Variants in LMO4 observed in about 807,000 individuals in gnomAD.
LMO4 encodes LIM domain only 4.
In LMO4, 3 loss-of-function variants were observed where a neutral mutation model predicts 18.5. The ratio of observed to expected loss-of-function variants is 0.16; its 90% confidence interval spans 0.07 to 0.42. LMO4 has a LOEUF of 0.42. Ranked by LOEUF, LMO4 falls within the 10% of genes least tolerant of loss-of-function variation. The probability of loss-of-function intolerance (pLI) is 0.99; values close to 1 mark genes in which losing one functional copy is unlikely to be tolerated. For synonymous variants in LMO4, 100 were observed against 88.1 expected, an observed-to-expected ratio of 1.14 and a Z score of -0.76; for missense variants, 121 against 219.9, an observed-to-expected ratio of 0.55 and a Z score of 2.84.
At chr1:87,342,823 CT>C (rs1375719304) in intron 4 of LMO4, among the ~76,000 whole-genome samples, 1 of 152,118 alleles carries the variant, frequency 6.6e-6, no homozygotes, top group Non-Finnish European at 1.5e-5. Flanking sequence ...TGAAAACATA[CT>C]TCCTGGTGGA....
At chr1:87,339,961 C>A (rs937035663) in intron 3 of LMO4, 86 bp from the exon 4 acceptor site, 57 of 1,416,258 alleles carry the variant, frequency 4.0e-5, no homozygotes, top group Non-Finnish European at 5.3e-5. Flanking sequence ...TTGACAGATA[C>A]CTGCTTAATA....
intron 4 of LMO4, among the ~76,000 whole-genome samples, chr1:87,341,753 C>G (rs558382294): frequency 4.6e-5 from 7 of 152,206 alleles, no homozygotes; most frequent in African/African-American, 7.2e-5. Context: ...ATAGAATAAC[C>G]ATTTTAAGAA....
At chr1:87,340,826 A>G (rs1241521784) in intron 4 of LMO4, among the ~76,000 whole-genome samples, 4 of 152,334 alleles carry the variant, frequency 2.6e-5, no homozygotes, top group South Asian at 2.1e-4. Context: ...TAATAGTGCC[A>G]TTAGAAATTA....
Position 87,348,722 on chromosome 1 carries a change from C to T in LMO4, c.*3926C>T, listed in dbSNP as rs781571636. The T allele has an allele frequency of 7.8e-6, 4 of 515,194 alleles. No individual in the cohort carries two copies. Among genetic ancestry groups the T allele is most frequent in the Middle Eastern group, 6.3e-4 (2 of 3,168 alleles). The allele number at this position is 515,194 out of a possible 1,614,324, so 31.9% of individuals were successfully genotyped here. A position where few individuals can be genotyped will look rare whatever the true frequency, so the allele number is the denominator to read the frequency against. ...CAAGTGAATACTGTTTTCAGTTGTG[C>T]AAGAAGTGCTTTATGCTAGTAGATA... On this transcript the variant is annotated 3_prime_UTR_variant, in exon 5 of 5. Transcript: ENST00000370544.
intron 1 of LMO4, chr1:87,331,409 C>G (rs947300670): frequency 1.3e-5 from 2 of 152,606 alleles, no homozygotes; most frequent in Admixed American, 1.3e-4. Flanking sequence ...CTCTCCGTCT[C>G]CCGTCTGCCG....
In LMO4 at chr1:87,339,525, C is replaced by T; in HGVS notation, c.237-11C>T. 6.2e-7 allele frequency: 1 copy of T among 1,603,116 alleles called. No homozygotes were observed. The highest frequency in any genetic ancestry group is 8.5e-7 in the Non-Finnish European group (1 of 1,170,208). ...TTATTCACTGGTGTCAACCGTTATT[C>T]TTTGTTTCAGGTTATTTGGAAATAG... On this transcript the variant is annotated splice_polypyrimidine_tract_variant and intron_variant, in intron 2 of 4. Transcript: ENST00000370544.
In LMO4 at chr1:87,348,400, T is replaced by C. The variant is rs994342072; in HGVS notation, c.*3604T>C. On this transcript the variant is annotated 3_prime_UTR_variant, in exon 5 of 5. Transcript: ENST00000370544. ...GTTACTAAGACTCACCTATTGTTAGTGCAGCCAAGTCACAGAAGTGCTTAT... is the reference window on the plus strand; with the variant it reads ...GTTACTAAGACTCACCTATTGTTAGCGCAGCCAAGTCACAGAAGTGCTTAT... 1 of 287,964 alleles carries C rather than the reference T, an allele frequency of 3.5e-6. No homozygotes were observed. The highest frequency in any genetic ancestry group is 2.2e-5 in the African/African-American group (1 of 46,106). The allele number at this position is 287,964 out of a possible 1,614,324, so 17.8% of individuals were successfully genotyped here.
At chr1:87,338,213 C>CA (rs563216075) in intron 2 of LMO4, among the ~76,000 whole-genome samples, 3 of 152,138 alleles carry the variant, frequency 2.0e-5, no homozygotes, top group Non-Finnish European at 2.9e-5. Flanking sequence ...TCTGAAAACT[C>CA]AAAGCAATTA....
intron 2 of LMO4, among the ~76,000 whole-genome samples, chr1:87,335,429 G>T (rs1273683408): frequency 2.6e-5 from 4 of 151,824 alleles, no homozygotes; most frequent in Non-Finnish European, 4.4e-5. Flanking sequence ...CAGCCAGAGC[G>T]CCCAGCCGGC....
chr1:87,345,128 G>A lies in LMO4; in HGVS notation c.*332G>A, dbSNP rs922357047. ...CTAATTAAAAGAAGCATTCAAATCTGCTTTCTACCCTCATTAACAATTAGC... is the reference window on the plus strand; with the variant it reads ...CTAATTAAAAGAAGCATTCAAATCTACTTTCTACCCTCATTAACAATTAGC... On this transcript the variant is annotated 3_prime_UTR_variant, in exon 5 of 5. Coordinates refer to ENST00000370544, the MANE Select transcript of LMO4 (RefSeq NM_006769.4). 2.7e-5 allele frequency: 8 copies of A among 300,460 alleles called. No homozygotes were observed. Among genetic ancestry groups the A allele is most frequent in the Non-Finnish European group, 4.3e-5 (7 of 163,258 alleles). The allele number at this position is 300,460 out of a possible 1,614,324, so 18.6% of individuals were successfully genotyped here. A position where few individuals can be genotyped will look rare whatever the true frequency, so the allele number is the denominator to read the frequency against.
intron 2 of LMO4, among the ~76,000 whole-genome samples, chr1:87,339,139 C>T (rs967426888): frequency 6.6e-5 from 10 of 152,120 alleles, no homozygotes; most frequent in African/African-American, 1.4e-4. Flanking sequence ...TTTGATGACT[C>T]ATATCTGAAG....
chr1:87,337,428 G>A (rs1650346613), intron 2 of LMO4, among the ~76,000 whole-genome samples: 1 of 152,196 alleles, frequency 6.6e-6, no homozygotes, highest in African/African-American at 2.4e-5. Flanking sequence ...GATGGGTACT[G>A]TGAAAAGGGT....
At chr1:87,331,604 T>A (rs1344794623) in intron 1 of LMO4, 3 of 199,746 alleles carry the variant, frequency 1.5e-5, no homozygotes, top group African/African-American at 4.7e-5. Flanking sequence ...GGTGGGTGGG[T>A]TTGACCCTCA....
At position 87,344,547 on chromosome 1, in the gene LMO4, A is replaced by T. The variant is rs189528699; in HGVS notation, c.490-241A>T. On this transcript the variant is annotated intron_variant, in intron 4 of 4. Coordinates refer to ENST00000370544, the MANE Select transcript of LMO4 (RefSeq NM_006769.4). ...ATTAATTGTAGTACTTTACACCAGAAACTTTCTGAGCGTCCATTTACTGTC... is the reference window on the plus strand; with the variant it reads ...ATTAATTGTAGTACTTTACACCAGATACTTTCTGAGCGTCCATTTACTGTC... 2.6e-5 allele frequency among the ~76,000 whole-genome samples: 4 copies of T among 152,294 alleles called. No homozygotes were observed. In the East Asian group the frequency reaches 7.7e-4, roughly 29 times the overall value.
Position 87,347,904 on chromosome 1 carries a change from G to A in LMO4, c.*3108G>A, listed in dbSNP as rs900708535. The A allele has an allele frequency of 1.4e-4, 22 of 152,022 alleles. No individual in the cohort carries two copies. Among genetic ancestry groups the A allele is most frequent in the South Asian group, 6.2e-4 (3 of 4,832 alleles). The allele number at this position is 152,022 out of a possible 1,614,324, so 9.4% of individuals were successfully genotyped here. A position where few individuals can be genotyped will look rare whatever the true frequency, so the allele number is the denominator to read the frequency against. On this transcript the variant is annotated 3_prime_UTR_variant, in exon 5 of 5. Coordinates refer to ENST00000370544, the MANE Select transcript of LMO4 (RefSeq NM_006769.4). ...GATTTATTAGGAAATAGTTTAACCC[G>A]GACTGTAGTGTCTTATAAAATACAA...
chr1:87,338,628 T>C (rs1223096218), intron 2 of LMO4, among the ~76,000 whole-genome samples: 1 of 152,220 alleles, frequency 6.6e-6, no homozygotes, highest in Non-Finnish European at 1.5e-5. Flanking sequence ...ATGTATATGT[T>C]TTTCTTCAGT....
At chr1:87,340,397 A>G (rs1650443518) in intron 4 of LMO4, among the ~76,000 whole-genome samples, 195 bp downstream of exon 4, 1 of 152,250 alleles carries the variant, frequency 6.6e-6, no homozygotes, top group East Asian at 1.9e-4. Flanking sequence ...AGTTAAAAAA[A>G]AAATCCTGAC....
In LMO4 at chr1:87,339,574, A is replaced by G. The variant is rs1232528929; in HGVS notation, c.275A>G (p.Gln92Arg). Residue 92 changes from glutamine to arginine, a missense_variant, in exon 3 of 5, where the codon CAG becomes CGG. By Grantham distance (43) the Gln-to-Arg change is conservative. Transcript: ENST00000370544. ...AGCGGTGCTTGCAGCGCTTGCGGAC[A>G]GTCGATTCCTGCGAGTGAACTCGTC... ...GNSGACSACGQSIPASELVMR... is the reference protein window; with the variant it reads ...GNSGACSACGRSIPASELVMR... 1.2e-6 allele frequency: 2 copies of G among 1,614,086 alleles called. No homozygotes were observed. The highest frequency in any genetic ancestry group is 1.7e-6 in the Non-Finnish European group (2 of 1,179,964).
At position 87,345,126 on chromosome 1, in the gene LMO4, C is replaced by T. The variant is rs562108823; in HGVS notation, c.*330C>T. On this transcript the variant is annotated 3_prime_UTR_variant, in exon 5 of 5. Coordinates refer to ENST00000370544, the MANE Select transcript of LMO4 (RefSeq NM_006769.4). Reference sequence around the variant, plus strand: ...AGCTAATTAAAAGAAGCATTCAAATCTGCTTTCTACCCTCATTAACAATTA... The same window carrying T: ...AGCTAATTAAAAGAAGCATTCAAATTTGCTTTCTACCCTCATTAACAATTA... 3.3e-4 allele frequency: 100 copies of T among 304,840 alleles called. No individual in the cohort carries two copies. The highest frequency in any genetic ancestry group is 4.9e-4 in the Non-Finnish European group (81 of 165,816). The allele number at this position is 304,840 out of a possible 1,614,324, so 18.9% of individuals were successfully genotyped here.
Sources: allele counts gnomAD v4.1 joint callset (sites outside exome capture counted in the v4.1 genomes callset), GRCh38; gene constraint gnomAD v4.1.1; transcripts MANE v1.5; gene names NCBI Gene and HGNC (gene_info 2026-07-23, HGNC 2026-07-21).